Variants in SPOCK3 observed in about 807,000 individuals in gnomAD.
SPOCK3 encodes the protein SPARC (osteonectin), cwcv and kazal like domains proteoglycan 3.
A neutral mutation model predicts 56.6 loss-of-function variants in SPOCK3; 30 were observed. The observed-to-expected ratio is 0.53, with a 90% CI of 0.40 to 0.72. The LOEUF (loss-of-function observed/expected upper bound fraction) is 0.72, where lower values mean the gene tolerates loss of function less well. SPOCK3 is among the 30% of genes least tolerant of loss of function. SPOCK3 has a pLI of 0.00. For missense variants in SPOCK3, 527 were observed against 530.0 expected, an observed-to-expected ratio of 0.99 and a Z score of 0.06; for synonymous variants, 196 against 183.3, an observed-to-expected ratio of 1.07 and a Z score of -0.56.
chr4:166,771,587 T>A (rs1238524518), intron 7 of SPOCK3, among the ~76,000 whole-genome samples: 2 of 152,084 alleles, frequency 1.3e-5, no homozygotes, highest in Non-Finnish European at 2.9e-5. Context: ...CATGCACACC[T>A]GTATGAATTT....
At position 166,838,675 on chromosome 4, in the gene SPOCK3, G is replaced by A. The variant is rs1427708247; in HGVS notation, c.590-46386C>T. On this transcript the variant is annotated intron_variant, in intron 6 of 10. Coordinates refer to ENST00000357545, the MANE Select transcript of SPOCK3 (RefSeq NM_001040159.2). ...TACATTAAAATCCTTGTCATAGACC[G>A]GGTGTGGTGGCTCACGCCTATAACC... Among the ~76,000 whole-genome samples, 7 of 145,864 alleles carry A rather than the reference G, an allele frequency of 4.8e-5. No individual in the cohort carries two copies. In the East Asian group the frequency reaches 6.1e-4, roughly 13 times the overall value.
At chr4:167,097,169 A>G (rs539630281) in intron 2 of SPOCK3, among the ~76,000 whole-genome samples, 1 of 151,932 alleles carries the variant, frequency 6.6e-6, no homozygotes, top group South Asian at 2.1e-4. Flanking sequence ...AGTTTCTAGG[A>G]ACCACCATAT....
chr4:166,910,260 A>G (rs1450451123), intron 5 of SPOCK3, among the ~76,000 whole-genome samples: 2 of 152,174 alleles, frequency 1.3e-5, no homozygotes, highest in Non-Finnish European at 2.9e-5. Context: ...TTAAAGACCC[A>G]TATTCACTTG....
chr4:166,826,988 A>C (rs912470437), intron 6 of SPOCK3, among the ~76,000 whole-genome samples: 5 of 152,036 alleles, frequency 3.3e-5, no homozygotes, highest in African/African-American at 4.8e-5. Flanking sequence ...TGGGCCCATT[A>C]AAAAAATAAA....
intron 2 of SPOCK3, among the ~76,000 whole-genome samples, chr4:167,082,756 AAGGGAGGG>A (rs564178292): frequency 7.3e-4 from 82 of 112,300 alleles, no homozygotes; most frequent in African/African-American, 3.1e-3. Context: ...GGAAGGAAGG[AAGGGAGGG>A]AGGGAGGGAG....
At chr4:167,195,941 G>C (rs1324008169) in intron 2 of SPOCK3, among the ~76,000 whole-genome samples, 1 of 152,162 alleles carries the variant, frequency 6.6e-6, no homozygotes, top group Non-Finnish European at 1.5e-5. Context: ...CCAGTGGGGA[G>C]CCTCCTATTC....
chr4:166,932,559 G>A (rs1463826234), intron 4 of SPOCK3, among the ~76,000 whole-genome samples: 1 of 152,112 alleles, frequency 6.6e-6, no homozygotes, highest in East Asian at 1.9e-4. Flanking sequence ...CTTGGAAGTT[G>A]TATTATGTTT....
At chr4:167,202,057 T>G (rs531225506) in intron 2 of SPOCK3, among the ~76,000 whole-genome samples, 5 of 152,100 alleles carry the variant, frequency 3.3e-5, no homozygotes, top group Non-Finnish European at 5.9e-5. Flanking sequence ...AAAAATTAAG[T>G]GTAATTTATT....
At chr4:166,809,241 C>G (rs1428022683) in intron 6 of SPOCK3, among the ~76,000 whole-genome samples, 2 of 151,566 alleles carry the variant, frequency 1.3e-5, no homozygotes, top group South Asian at 2.1e-4. Flanking sequence ...TCCTATTTTC[C>G]TTCCTTTTTT....
At chr4:167,001,753 A>G (rs1207329797) in intron 3 of SPOCK3, among the ~76,000 whole-genome samples, 1 of 152,168 alleles carries the variant, frequency 6.6e-6, no homozygotes, top group Non-Finnish European at 1.5e-5. Flanking sequence ...AAAAAATTCT[A>G]GTGCACAAAG....
intron 6 of SPOCK3, among the ~76,000 whole-genome samples, chr4:166,809,070 T>C (rs1706602676): frequency 6.6e-6 from 1 of 152,092 alleles, no homozygotes; most frequent in Non-Finnish European, 1.5e-5. Context: ...TACAGTTAGA[T>C]CAAATATTAC....
chr4:166,751,427 G>A (rs977262059), intron 8 of SPOCK3, among the ~76,000 whole-genome samples: 2 of 152,212 alleles, frequency 1.3e-5, no homozygotes, highest in Admixed American at 1.3e-4. Context: ...AAGTTGCACT[G>A]ATGATTCTAT....
intron 4 of SPOCK3, among the ~76,000 whole-genome samples, chr4:166,922,356 T>C (rs28604493): frequency 0.21 from 32,104 of 152,128 alleles, 3,631 homozygotes; most frequent in South Asian, 0.28. Flanking sequence ...TTCTATAGTC[T>C]AAGAAGTGAT....
intron 4 of SPOCK3, among the ~76,000 whole-genome samples, chr4:166,963,081 ATG>A (rs1162022858): frequency 6.6e-6 from 1 of 152,042 alleles, no homozygotes; most frequent in Non-Finnish European, 1.5e-5. Context: ...CTCCAAGTAT[ATG>A]TCCTAGGAAC....
intron 2 of SPOCK3, among the ~76,000 whole-genome samples, chr4:167,080,706 T>C (rs1165297135): frequency 2.0e-5 from 3 of 151,916 alleles, no homozygotes; most frequent in Admixed American, 6.6e-5. Context: ...AGTCATACTA[T>C]CTACCTCTAC....
At chr4:166,775,028 A>C (rs1739371282) in intron 7 of SPOCK3, among the ~76,000 whole-genome samples, 4 of 152,214 alleles carry the variant, frequency 2.6e-5, no homozygotes, top group African/African-American at 9.6e-5. Context: ...CATCTTTAGA[A>C]TTCTTCCTAC....
At chr4:166,842,124 T>C (rs998616639) in intron 6 of SPOCK3, among the ~76,000 whole-genome samples, 2 of 152,202 alleles carry the variant, frequency 1.3e-5, no homozygotes, top group African/African-American at 2.4e-5. Flanking sequence ...TGCAGACCTT[T>C]GCAGTGAGTG....
chr4:166,904,294 T>C (rs1736381410), intron 5 of SPOCK3, among the ~76,000 whole-genome samples: 1 of 152,010 alleles, frequency 6.6e-6, no homozygotes, highest in Non-Finnish European at 1.5e-5. Flanking sequence ...AGTTAATGCA[T>C]ATAAAAATTA....
At chr4:166,778,357 G>C (rs552401524) in intron 7 of SPOCK3, among the ~76,000 whole-genome samples, 1 of 152,184 alleles carries the variant, frequency 6.6e-6, no homozygotes. Flanking sequence ...GCATAGCTGC[G>C]AGGAACATAA....
Sources: gnomAD v4.1 joint callset for allele counts (sites outside exome capture counted in the v4.1 genomes callset) on GRCh38, gnomAD v4.1.1 for gene constraint, MANE v1.5 for transcripts, NCBI Gene and HGNC (gene_info 2026-07-23, HGNC 2026-07-21) for gene names.